The following CCND3 variants were observed in gnomAD, a reference collection of about 807,000 sequenced individuals.
The protein encoded by CCND3 is cyclin D3, also known as G1/S-specific cyclin-D3.
A neutral mutation model predicts 28.7 loss-of-function variants in CCND3; 9 were observed. The observed-to-expected ratio is 0.31, with a 90% CI of 0.19 to 0.55. The LOEUF is 0.55. Ranked by LOEUF, CCND3 falls within the 20% of genes least tolerant of loss-of-function variation. CCND3 has a pLI of 0.93. For missense variants in CCND3, 315 were observed against 385.8 expected (o/e 0.82, Z 1.54); for synonymous variants, 164 against 163.9 (o/e 1.00, Z 0.00).
At chr6:41,985,302 GTCT>G (rs1303487862) in intron 1 of CCND3, among the ~76,000 whole-genome samples, 3 of 99,122 alleles carry the variant, frequency 3.0e-5, no homozygotes, top group Non-Finnish European at 3.8e-5. Context: ...CTCAGTTCAA[GTCT>G]TTTTTTTTTT....
chr6:41,940,863 C>G (rs1351544925), intron 1 of CCND3: 20 of 1,268,928 alleles, frequency 1.6e-5, no homozygotes, highest in Non-Finnish European at 1.5e-5. Context: ...CTCCCCTCCC[C>G]CACAGCGAGG....
intron 1 of CCND3, among the ~76,000 whole-genome samples, chr6:41,951,575 C>CACACACAA (rs1238860882): frequency 1.4e-5 from 1 of 70,188 alleles, no homozygotes; most frequent in East Asian, 4.9e-4. Context: ...CACACACACA[C>CACACACAA]AAAAAAAAAG....
At chr6:42,027,092 C>T (rs1763896779) in intron 1 of CCND3, among the ~76,000 whole-genome samples, 1 of 152,154 alleles carries the variant, frequency 6.6e-6, no homozygotes, top group Admixed American at 6.5e-5. Flanking sequence ...TGTCTCCAGC[C>T]CTTCACCTCC....
At position 41,970,932 on chromosome 6, in the gene CCND3, C is replaced by G. The variant is rs567315956; in HGVS notation, c.-45-30347G>C. ...CTCCAGTTTCTTTTTTTTTTCCCCC[C>G]CTTGAGACAGAGTCTTGCTCTGTCA... On this transcript the variant is annotated intron_variant, in intron 1 of 4. Transcript: ENST00000372988. Among the ~76,000 whole-genome samples, 3 of 151,724 alleles carry G rather than the reference C, an allele frequency of 2.0e-5. No homozygotes were observed. In the East Asian group the frequency reaches 5.8e-4, roughly 29 times the overall value.
At chr6:42,024,792 C>T (rs964273796) in intron 1 of CCND3, among the ~76,000 whole-genome samples, 6 of 152,196 alleles carry the variant, frequency 3.9e-5, no homozygotes, top group African/African-American at 1.4e-4. Flanking sequence ...GGCGCAGTGG[C>T]TCATGCCTGT....
chr6:42,024,059 A>G (rs892271071), intron 1 of CCND3, among the ~76,000 whole-genome samples: 11 of 152,256 alleles, frequency 7.2e-5, no homozygotes, highest in Admixed American at 2.0e-4. Context: ...GGTGGATACT[A>G]TTATTATCTC....
chr6:41,993,294 C>T (rs1269997712), intron 1 of CCND3, among the ~76,000 whole-genome samples: 2 of 152,130 alleles, frequency 1.3e-5, no homozygotes, highest in Non-Finnish European at 2.9e-5. Context: ...GATCCCTTTT[C>T]TCCTCATCCT....
intron 1 of CCND3, among the ~76,000 whole-genome samples, chr6:42,000,308 C>T (rs1217118588): frequency 8.6e-6 from 1 of 115,828 alleles, no homozygotes; most frequent in Non-Finnish European, 1.6e-5. Context: ...GGCGCGATCT[C>T]GGCTCACTGC....
intron 1 of CCND3, among the ~76,000 whole-genome samples, chr6:42,034,526 G>A (rs1288360667): frequency 2.5e-5 from 3 of 121,238 alleles, no homozygotes; most frequent in Admixed American, 2.3e-4. Context: ...TTGCCAGGCT[G>A]GAGTGCAGTG....
chr6:41,940,434 G>A lies in CCND3; in HGVS notation c.350C>T (p.Thr117Met), dbSNP rs1212176998. 1.2e-6 allele frequency: 2 copies of A among 1,613,778 alleles called. No individual in the cohort carries two copies. Among genetic ancestry groups the A allele is most frequent in the Non-Finnish European group, 8.5e-7 (1 of 1,179,992 alleles). ...GCACAGTTTTTCGATGGTCAGGGGC[G>A]TGGTCTCGCGCAGCTTGGAGGCCAG... ...MLLASKLRET[T>M]PLTIEKLCIY... is the part of the protein sequence containing the mutation. The change falls in exon 2 of 5, where the codon ACG (threonine) becomes ATG (methionine). Residue 117 changes from threonine (T) to methionine (M), a missense_variant. Physicochemically the swap from Thr to Met is moderately conservative, Grantham distance 81. Coordinates refer to ENST00000372991, the MANE Select transcript of CCND3 (RefSeq NM_001760.5).
chr6:42,042,090 C>G (rs1263131105), intron 1 of CCND3, among the ~76,000 whole-genome samples: 4 of 152,210 alleles, frequency 2.6e-5, no homozygotes, highest in African/African-American at 9.6e-5. Flanking sequence ...AACTGTCTGA[C>G]CACAGGCCAG....
intron 1 of CCND3, among the ~76,000 whole-genome samples, chr6:41,987,509 C>G (rs959809959): frequency 0.2 from 13,497 of 66,850 alleles, 903 homozygotes; most frequent in Middle Eastern, 0.26. Flanking sequence ...CTCTCTCTCT[C>G]TCTCTCTCTG....
At chr6:42,036,192 C>T (rs1459056548) in intron 1 of CCND3, among the ~76,000 whole-genome samples, 1 of 149,330 alleles carries the variant, frequency 6.7e-6, no homozygotes, top group Non-Finnish European at 1.5e-5. Flanking sequence ...GTGGTTTCAC[C>T]ATGTTGGCCA....
At chr6:41,956,840 AAC>A (rs1298602108) in intron 1 of CCND3, among the ~76,000 whole-genome samples, 1 of 151,776 alleles carries the variant, frequency 6.6e-6, no homozygotes, top group Non-Finnish European at 1.5e-5. Flanking sequence ...CATCCTGGCT[AAC>A]ACAGTGAAAC....
rs912232771 is a variant in CCND3, at chr6:42,048,300, G to A, written c.-46+201C>T. 6.3e-5 allele frequency: 20 copies of A among 316,868 alleles called. No homozygotes were observed. The highest frequency in any genetic ancestry group is 5.7e-4 in the Middle Eastern group (1 of 1,752). The allele number at this position is 316,868 out of a possible 1,614,324, so 19.6% of individuals were successfully genotyped here. A position where few individuals can be genotyped will look rare whatever the true frequency, so the allele number is the denominator to read the frequency against. Reference sequence around the variant, plus strand: ...ATGTGTGTACATACAGAGGGCTCAGGGCCTTTGGGGGTTTCTCTGCCCTTC... The same window carrying A: ...ATGTGTGTACATACAGAGGGCTCAGAGCCTTTGGGGGTTTCTCTGCCCTTC... On this transcript the variant is annotated intron_variant, in intron 1 of 4. Coordinates refer to the CCND3 transcript ENST00000372988. The surrounding 1 kb of genome is among the most constrained non-coding windows in gnomAD (Gnocchi z 4.7).
At chr6:41,952,861 C>T (rs1776347573) in intron 1 of CCND3, among the ~76,000 whole-genome samples, 1 of 151,952 alleles carries the variant, frequency 6.6e-6, no homozygotes, top group African/African-American at 2.4e-5. Context: ...CATCAAGTTT[C>T]TTCTTAATGA....
intron 1 of CCND3, among the ~76,000 whole-genome samples, chr6:41,995,115 G>C (rs1762763143): frequency 6.6e-6 from 1 of 151,930 alleles, no homozygotes; most frequent in Non-Finnish European, 1.5e-5. Context: ...AAGTATATTA[G>C]TTAAAATTTT....
intron 1 of CCND3, among the ~76,000 whole-genome samples, chr6:42,017,105 C>T (rs761703431): frequency 3.3e-5 from 5 of 152,224 alleles, no homozygotes; most frequent in Non-Finnish European, 7.4e-5. Flanking sequence ...GGGACAAGGT[C>T]TGTTTCTGTC....
At chr6:41,972,240 A>AAAAAAAGAAAAG (rs1554162050) in intron 1 of CCND3, among the ~76,000 whole-genome samples, 3 of 99,738 alleles carry the variant, frequency 3.0e-5, no homozygotes, top group African/African-American at 7.7e-5. Context: ...AAAAAAAAAA[A>AAAAAAAGAAAAG]AAAAGAAAAG....
Sources: gnomAD v4.1 joint callset for allele counts (sites outside exome capture counted in the v4.1 genomes callset) on GRCh38, gnomAD v4.1.1 for gene constraint, Gnocchi (gnomAD v3.1) non-coding constraint, MANE v1.5 for transcripts, NCBI Gene and HGNC (gene_info 2026-07-23, HGNC 2026-07-21) for gene names.